Variants in LOXHD1 observed in about 807,000 individuals in gnomAD.
The protein encoded by LOXHD1 is lipoxygenase homology PLAT domains 1, also known as lipoxygenase homology domain-containing protein 1.
LOXHD1 carries 205 observed loss-of-function variants against 248.2 expected under a neutral mutation model. That is an observed-to-expected ratio of 0.83 (90% CI 0.74 to 0.93). The LOEUF (loss-of-function observed/expected upper bound fraction) is 0.93. LOXHD1 is among the 40% of genes least tolerant of loss of function. The pLI, the probability that LOXHD1 is intolerant of heterozygous loss-of-function variation, is 0.00. For missense variants in LOXHD1, 2,930 were observed against 2,971.6 expected (o/e 0.99, Z 0.33); for synonymous variants, 1,113 against 1,162.8 (o/e 0.96, Z 0.87).
At chr18:46,531,546 G>A (rs1347912703) in intron 28 of LOXHD1, among the ~76,000 whole-genome samples, 1 of 151,618 alleles carries the variant, frequency 6.6e-6, no homozygotes, top group Non-Finnish European at 1.5e-5. Flanking sequence ...TGTGTCCCCA[G>A]GGGCTGGGAT....
rs79242950 is a variant in LOXHD1 at position 46,557,708 on chromosome 18, T to C, written c.3217-219A>G. On this transcript the variant is annotated intron_variant, in intron 20 of 40. Transcript: ENST00000642948. ...TCCCTGCCAGGAGATCTTCTCACTC[T>C]CATGTCCAGGAAGGTGGAAGGAGGA... Among the ~76,000 whole-genome samples the C allele has an allele frequency of 0.14, 21,799 of 152,230 alleles. 1,772 individuals carry two copies. The highest frequency in any genetic ancestry group is 0.19 in the Middle Eastern group (56 of 294).
At position 46,563,075 on chromosome 18, in the gene LOXHD1, T is replaced by C. The variant is rs1174726760; in HGVS notation, c.2588A>G (p.Asp863Gly). ...RSKVFERASK[D>G]TFQLEAADVG... ...CTCGACCCCACATACCTGGAATGTG[T>C]CCTTGGACGCCCGTTCAAAAACTTT... The change falls in exon 18 of 41, where the codon GAC becomes GGC. Residue 863 changes from aspartate (D) to glycine (G), a missense_variant. Asp to Gly is a moderately conservative substitution (Grantham distance 94, BLOSUM62 -1). Coordinates refer to ENST00000642948, the MANE Select transcript of LOXHD1 (RefSeq NM_001384474.1). 1 of 1,543,404 alleles carries C rather than the reference T, an allele frequency of 6.5e-7. No individual in the cohort carries two copies. The highest frequency in any genetic ancestry group is 2.5e-5 in the East Asian group (1 of 40,636).
chr18:46,555,475 G>A (rs2037286885), intron 21 of LOXHD1: 1 of 191,130 alleles, frequency 5.2e-6, no homozygotes, highest in African/African-American at 2.3e-5. Context: ...GTTCCCTCGG[G>A]CTGGTAGGGG....
chr18:46,552,569 C>A (rs1003837254), intron 21 of LOXHD1, among the ~76,000 whole-genome samples: 1 of 152,134 alleles, frequency 6.6e-6, no homozygotes, highest in South Asian at 2.1e-4. Flanking sequence ...GACAGCACAG[C>A]CCCTGGACCA....
chr18:46,530,181 C>T (rs2036000642), intron 28 of LOXHD1, among the ~76,000 whole-genome samples: 1 of 152,066 alleles, frequency 6.6e-6, no homozygotes, highest in Admixed American at 6.5e-5. Context: ...GGGAACTTGG[C>T]TGGATTATCC....
chr18:46,611,920 C>T (rs1376415585), intron 5 of LOXHD1, among the ~76,000 whole-genome samples: 2 of 152,122 alleles, frequency 1.3e-5, no homozygotes, highest in East Asian at 3.8e-4. Flanking sequence ...AAAGACGGCT[C>T]CTGAAGTGTG....
intron 37 of LOXHD1, among the ~76,000 whole-genome samples, chr18:46,493,342 A>T (rs1395751373): frequency 6.6e-6 from 1 of 152,242 alleles, no homozygotes; most frequent in African/African-American, 2.4e-5. Context: ...CTTTCTGTCA[A>T]TAATGATATG....
In LOXHD1 at chr18:46,614,331, AAT is replaced by A. The variant is rs534748688; in HGVS notation, c.611-3409_611-3408del. Among the ~76,000 whole-genome samples, 1,147 of 152,338 alleles carry A rather than the reference AAT, an allele frequency of 7.5e-3. 21 individuals are homozygous for A. Among genetic ancestry groups the A allele is most frequent in the African/African-American group, 0.025 (1,039 of 41,572 alleles). On this transcript the variant is annotated intron_variant, in intron 5 of 40. Transcript: ENST00000642948. ...CTTGGAAACAACCCAAATGTTCATC[AAT>A]GATAGACTGGATTAAGAAAATGTGG...
intron 1 of LOXHD1, among the ~76,000 whole-genome samples, chr18:46,656,673 A>G (rs1227461547): frequency 6.6e-6 from 1 of 152,192 alleles, no homozygotes; most frequent in Non-Finnish European, 1.5e-5. Flanking sequence ...TGTTCCACTG[A>G]GAATCGGGGG....
chr18:46,502,626 C>T (rs1018503791), intron 37 of LOXHD1, among the ~76,000 whole-genome samples: 2 of 152,174 alleles, frequency 1.3e-5, no homozygotes, highest in African/African-American at 2.4e-5. Context: ...GTCAGAACCA[C>T]GGACAGCTCC....
Position 46,541,778 on chromosome 18 carries a change from G to T in LOXHD1, c.3911C>A (p.Pro1304Gln). ...GCCTTGCCGTGTGTGGTTCCTACAT[G>T]GTGTGTACAGCCTCGTCTGAAGCTC... is the stretch of plus-strand genomic sequence containing the variant. Reference protein sequence around the residue: ...HAELQTRLYTPFVPYEITLYT... With the variant: ...HAELQTRLYTQFVPYEITLYT... Residue 1304 changes from proline to glutamine, a missense_variant and splice_region_variant, in exon 25 of 41, where the codon CCA (proline) becomes CAA (glutamine). Pro to Gln is a moderately conservative substitution (Grantham distance 76). Transcript: ENST00000642948. 6.4e-7 allele frequency: 1 copy of T among 1,551,700 alleles called. No homozygotes were observed. Among genetic ancestry groups the T allele is most frequent in the Non-Finnish European group, 8.7e-7 (1 of 1,146,986 alleles).
chr18:46,649,138 G>A lies in LOXHD1; in HGVS notation c.245+17C>T. The A allele has an allele frequency of 1.3e-6, 2 of 1,540,436 alleles. No homozygotes were observed. The highest frequency in any genetic ancestry group is 2.0e-5 in the Admixed American group (1 of 50,998). On this transcript the variant is annotated intron_variant, in intron 2 of 40. Transcript: ENST00000642948. ...ACTAATGGCCCAGGATCCCACCAAG[G>A]CCAAGTGGGTACTCACTTGCTGGTG...
intron 8 of LOXHD1, 24 bp downstream of exon 8, chr18:46,601,193 G>A: frequency 6.5e-7 from 1 of 1,543,656 alleles, no homozygotes; most frequent in Non-Finnish European, 8.8e-7. Flanking sequence ...ATCAGGGAAG[G>A]CTGTCTCTGG....
At chr18:46,561,446 C>T (rs115637909) in intron 18 of LOXHD1, among the ~76,000 whole-genome samples, 168 of 152,300 alleles carry the variant, frequency 1.1e-3, no homozygotes, top group African/African-American at 3.7e-3. Flanking sequence ...GGGTCTGGTC[C>T]GTCCCCTGCA....
chr18:46,486,332 C>A (rs555902348), intron 38 of LOXHD1, among the ~76,000 whole-genome samples: 9 of 152,126 alleles, frequency 5.9e-5, no homozygotes, highest in African/African-American at 1.9e-4. Flanking sequence ...AGATGAGAGA[C>A]GGCCATACCT....
In LOXHD1 at chr18:46,579,655, T is replaced by C; in HGVS notation, c.1784A>G (p.Asn595Ser). The stretch of plus-strand genomic sequence containing the variant: ...ATTGCCCTTTTCAAACAGGTCTGTG[T>C]TATTCCTGCAGTTGTAGAGCAGCCG... ...GERLLYNCRN[N>S]TDLFEKGNAD... The change falls in exon 13 of 41, where the codon AAC becomes AGC. Residue 595 changes from asparagine to serine, a missense_variant. Coordinates refer to ENST00000642948, the MANE Select transcript of LOXHD1 (RefSeq NM_001384474.1). 5 of 1,551,704 alleles carry C rather than the reference T, an allele frequency of 3.2e-6. No individual in the cohort carries two copies. The highest frequency in any genetic ancestry group is 4.4e-6 in the Non-Finnish European group (5 of 1,146,982).
intron 31 of LOXHD1, 112 bp downstream of exon 31, chr18:46,524,354 T>C: frequency 7.2e-7 from 1 of 1,382,784 alleles, no homozygotes; most frequent in Non-Finnish European, 9.8e-7. Flanking sequence ...AATGACTAAG[T>C]GTTAGATATG....
chr18:46,543,649 G>A (rs2036667413), intron 23 of LOXHD1, among the ~76,000 whole-genome samples: 1 of 152,084 alleles, frequency 6.6e-6, no homozygotes, highest in Non-Finnish European at 1.5e-5. Context: ...CTCACAGTGG[G>A]CACTTTTTTG....
chr18:46,486,324 AT>A (rs1440915386), intron 38 of LOXHD1, among the ~76,000 whole-genome samples: 2 of 152,142 alleles, frequency 1.3e-5, no homozygotes, highest in African/African-American at 4.8e-5. Context: ...AATAATGAAG[AT>A]GAGAGACGGC....
Sources: allele counts gnomAD v4.1 joint callset (sites outside exome capture counted in the v4.1 genomes callset), GRCh38; gene constraint gnomAD v4.1.1; transcripts MANE v1.5; gene names NCBI Gene and HGNC (gene_info 2026-07-23, HGNC 2026-07-21).